Variants in DCC observed in about 807,000 individuals in gnomAD.
DCC encodes DCC netrin 1 receptor, also known as netrin receptor DCC.
Under a neutral mutation model 172.5 loss-of-function variants are expected in DCC, and 58 were observed. That is an observed-to-expected ratio of 0.34 (90% CI 0.27 to 0.42). DCC has a LOEUF of 0.42. Ranked by LOEUF, DCC falls within the 10% of genes least tolerant of loss-of-function variation. The probability of loss-of-function intolerance (pLI) is 1.00; values close to 1 mark genes in which losing one functional copy is unlikely to be tolerated. For missense variants in DCC, 1,740 were observed against 1,791.0 expected (o/e 0.97, Z 0.51); for synonymous variants, 709 against 644.5 (o/e 1.10, Z -1.52).
chr18:52,603,682 C>T (rs1310416252), intron 1 of DCC, among the ~76,000 whole-genome samples: 2 of 150,844 alleles, frequency 1.3e-5, no homozygotes, highest in East Asian at 2.0e-4. Flanking sequence ...CAGAAATCTA[C>T]AGTTAAATAA....
chr18:53,195,672 C>T (rs1328043343), intron 9 of DCC, among the ~76,000 whole-genome samples: 8 of 148,956 alleles, frequency 5.4e-5, no homozygotes, highest in Non-Finnish European at 1.2e-4. Context: ...GTTACCCATT[C>T]AACCCATTCC....
intron 9 of DCC, among the ~76,000 whole-genome samples, chr18:53,200,978 C>G (rs977784913): frequency 6.6e-6 from 1 of 152,150 alleles, no homozygotes; most frequent in Non-Finnish European, 1.5e-5. Flanking sequence ...TTGCCACCTA[C>G]TATGCATGTG....
intron 5 of DCC, among the ~76,000 whole-genome samples, chr18:53,057,041 G>C (rs2144058027): frequency 7.6e-6 from 1 of 130,836 alleles, no homozygotes; most frequent in East Asian, 2.2e-4. Flanking sequence ...CTAAGTAACT[G>C]GAAAAGAATA....
At chr18:52,546,655 A>G (rs186201327) in intron 1 of DCC, among the ~76,000 whole-genome samples, 256 of 142,560 alleles carry the variant, frequency 1.8e-3, no homozygotes, top group Non-Finnish European at 3.0e-3. Flanking sequence ...GTGATCAATA[A>G]TAATATCATC....
intron 16 of DCC, among the ~76,000 whole-genome samples, chr18:53,389,714 C>A (rs1908419115): frequency 6.6e-6 from 1 of 152,122 alleles, no homozygotes; most frequent in Non-Finnish European, 1.5e-5. Flanking sequence ...CCACCCAACA[C>A]CCTTGCTTGA....
At chr18:52,540,210 A>G (rs569101511) in intron 1 of DCC, among the ~76,000 whole-genome samples, 8 of 152,340 alleles carry the variant, frequency 5.3e-5, no homozygotes, top group Non-Finnish European at 8.8e-5. Context: ...CTGAGGCCAG[A>G]TAATTGCTTA....
intron 1 of DCC, among the ~76,000 whole-genome samples, chr18:52,396,135 T>G (rs932170800): frequency 3.3e-5 from 5 of 151,892 alleles, no homozygotes; most frequent in Admixed American, 6.6e-5. Context: ...AAACTGTAAA[T>G]CTTTCCTGGG....
At chr18:52,837,009 C>T (rs980816967) in intron 2 of DCC, among the ~76,000 whole-genome samples, 3 of 152,206 alleles carry the variant, frequency 2.0e-5, no homozygotes, top group African/African-American at 7.2e-5. Context: ...GGCTCAACAA[C>T]ACATGGAAGC....
At chr18:53,156,179 G>A (rs915242060) in intron 7 of DCC, among the ~76,000 whole-genome samples, 1 of 152,066 alleles carries the variant, frequency 6.6e-6, no homozygotes, top group African/African-American at 2.4e-5. Context: ...ACTGTGAAAT[G>A]AATATTTTAA....
chr18:53,359,020 T>C (rs2144926477), intron 15 of DCC, among the ~76,000 whole-genome samples: 1 of 152,064 alleles, frequency 6.6e-6, no homozygotes, highest in Admixed American at 6.6e-5. Flanking sequence ...GACTTAAAGA[T>C]AAAGTAAGAT....
At chr18:52,587,541 A>C (rs1205102736) in intron 1 of DCC, among the ~76,000 whole-genome samples, 2 of 152,190 alleles carry the variant, frequency 1.3e-5, no homozygotes, top group Non-Finnish European at 2.9e-5. Flanking sequence ...CCAATTTTCC[A>C]ATCATGTTTC....
intron 2 of DCC, among the ~76,000 whole-genome samples, chr18:52,836,507 T>A (rs545050144): frequency 2.6e-5 from 4 of 152,304 alleles, no homozygotes; most frequent in Non-Finnish European, 2.9e-5. Context: ...TGGGAGAAAG[T>A]GGCCAAAACA....
intron 2 of DCC, among the ~76,000 whole-genome samples, chr18:52,783,029 T>C (rs1375420034): frequency 6.6e-6 from 1 of 152,086 alleles, no homozygotes; most frequent in African/African-American, 2.4e-5. Context: ...GAGATCATAC[T>C]GATTCCCAGT....
intron 1 of DCC, among the ~76,000 whole-genome samples, chr18:52,663,433 C>T (rs1341075737): frequency 2.0e-5 from 3 of 152,052 alleles, no homozygotes; most frequent in Non-Finnish European, 4.4e-5. Flanking sequence ...GTAGTGGCTC[C>T]AGGAGGAGTG....
chr18:52,735,859 A>G (rs1027983085), intron 1 of DCC, among the ~76,000 whole-genome samples: 1 of 152,124 alleles, frequency 6.6e-6, no homozygotes, highest in Non-Finnish European at 1.5e-5. Flanking sequence ...CTTCAATTCA[A>G]TCAAGTTGAC....
At chr18:53,171,457 T>G (rs2055012222) in intron 8 of DCC, among the ~76,000 whole-genome samples, 1 of 152,124 alleles carries the variant, frequency 6.6e-6, no homozygotes, top group Non-Finnish European at 1.5e-5. Context: ...AAAAGATGCT[T>G]TATTTATACT....
intron 21 of DCC, among the ~76,000 whole-genome samples, chr18:53,424,524 T>A (rs1910798746): frequency 6.6e-6 from 1 of 152,174 alleles, no homozygotes; most frequent in Admixed American, 6.6e-5. Context: ...TGTCTACATG[T>A]GTATGTTACG....
intron 1 of DCC, among the ~76,000 whole-genome samples, chr18:52,443,395 C>G (rs192637228): frequency 1.3e-4 from 20 of 152,144 alleles, no homozygotes; most frequent in Non-Finnish European, 2.5e-4. Context: ...GACAAGCATA[C>G]AAGTGATATT....
At chr18:52,381,457 T>C (rs1985581134) in intron 1 of DCC, among the ~76,000 whole-genome samples, 1 of 152,134 alleles carries the variant, frequency 6.6e-6, no homozygotes, top group African/African-American at 2.4e-5. Flanking sequence ...AAGGTATGAA[T>C]TCAACATCAA....
Sources: gnomAD v4.1 joint callset for allele counts (sites outside exome capture counted in the v4.1 genomes callset) on GRCh38, gnomAD v4.1.1 for gene constraint, MANE v1.5 for transcripts, NCBI Gene and HGNC (gene_info 2026-07-23, HGNC 2026-07-21) for gene names.